The following SGCZ variants were observed in gnomAD, a reference collection of about 807,000 sequenced individuals.
SGCZ encodes zeta-sarcoglycan.
A neutral mutation model predicts 41.3 loss-of-function variants in SGCZ; 40 were observed. The ratio of observed to expected loss-of-function variants is 0.97; its 90% CI spans 0.75 to 1.26. The LOEUF (loss-of-function observed/expected upper bound fraction) is 1.26. SGCZ is among the 50% of genes most tolerant of loss of function. The pLI is 0.00. For synonymous variants in SGCZ, 206 were observed against 137.5 expected, an observed-to-expected ratio of 1.50 and a Z score of -3.49; for missense variants, 552 against 369.8, an observed-to-expected ratio of 1.49 and a Z score of -4.04.
chr8:14,453,615 C>T (rs868618473), intron 2 of SGCZ, among the ~76,000 whole-genome samples: 16 of 152,286 alleles, frequency 1.1e-4, no homozygotes, highest in Middle Eastern at 3.4e-3. Flanking sequence ...AAGAAAGAAT[C>T]TTAGGAGGGA....
chr8:14,187,707 C>T (rs544173016), intron 4 of SGCZ, among the ~76,000 whole-genome samples: 4 of 151,716 alleles, frequency 2.6e-5, no homozygotes, highest in Admixed American at 2.6e-4. Context: ...TGCAGGACAC[C>T]ATTAAGAATG....
At chr8:14,242,636 C>T (rs907467799) in intron 3 of SGCZ, among the ~76,000 whole-genome samples, 8 of 152,254 alleles carry the variant, frequency 5.3e-5, no homozygotes, top group African/African-American at 1.9e-4. Flanking sequence ...ATTTATTCCT[C>T]AATTTAACTA....
At chr8:14,693,654 G>A (rs1210921985) in intron 1 of SGCZ, among the ~76,000 whole-genome samples, 3 of 137,226 alleles carry the variant, frequency 2.2e-5, no homozygotes, top group Admixed American at 1.6e-4. Flanking sequence ...GCAGTGGCGC[G>A]ATCTCAGCTC....
intron 1 of SGCZ, among the ~76,000 whole-genome samples, chr8:14,764,012 A>G (rs555052948): frequency 1.3e-5 from 2 of 152,190 alleles, no homozygotes; most frequent in Non-Finnish European, 2.9e-5. Flanking sequence ...ATTCCCTATC[A>G]AGTTCCTTGG....
intron 1 of SGCZ, among the ~76,000 whole-genome samples, chr8:15,044,397 C>T (rs1804225840): frequency 6.6e-6 from 1 of 152,160 alleles, no homozygotes; most frequent in South Asian, 2.1e-4. Context: ...AACTCTTTGG[C>T]AGGCATCCTG....
Position 14,737,624 on chromosome 8 carries a change from ATTCC to A in SGCZ, c.40-182702_40-182699del, listed in dbSNP as rs1265683974. Among the ~76,000 whole-genome samples the A allele has an allele frequency of 2.6e-5, 4 of 151,974 alleles. No individual in the cohort carries two copies. In the East Asian group the frequency reaches 7.7e-4, roughly 29 times the overall value. ...TAAGATCAAGGTATTGGCAGGATTG[ATTCC>A]TTCTGAGGCCTCTCTCCTTGGCTTG... On this transcript the variant is annotated intron_variant, in intron 1 of 7. Coordinates refer to ENST00000382080, the MANE Select transcript of SGCZ (RefSeq NM_139167.4).
At chr8:14,302,664 G>A (rs1298376914) in intron 3 of SGCZ, among the ~76,000 whole-genome samples, 1 of 152,032 alleles carries the variant, frequency 6.6e-6, no homozygotes. Context: ...CCAAAGGCCT[G>A]CCGAATACTT....
At chr8:14,434,062 T>C (rs1027998385) in intron 2 of SGCZ, among the ~76,000 whole-genome samples, 2 of 152,122 alleles carry the variant, frequency 1.3e-5, no homozygotes, top group African/African-American at 4.8e-5. Context: ...TGTAGAAGGG[T>C]TTTTCCGATG....
At chr8:14,954,770 T>C (rs1162298667) in intron 1 of SGCZ, among the ~76,000 whole-genome samples, 2 of 152,162 alleles carry the variant, frequency 1.3e-5, no homozygotes, top group African/African-American at 4.8e-5. Context: ...GCAGGTCCAT[T>C]ATCTTCATTG....
intron 1 of SGCZ, among the ~76,000 whole-genome samples, chr8:14,838,630 C>G (rs997405101): frequency 6.6e-6 from 1 of 152,178 alleles, no homozygotes; most frequent in African/African-American, 2.4e-5. Flanking sequence ...GCTCTAGCCT[C>G]TGATTTTCCC....
intron 1 of SGCZ, among the ~76,000 whole-genome samples, chr8:14,988,167 C>T (rs1801889959): frequency 6.6e-6 from 1 of 151,804 alleles, no homozygotes; most frequent in Non-Finnish European, 1.5e-5. Context: ...TAGAAAAATA[C>T]AGTATCTGTG....
At chr8:14,784,630 C>A (rs1006602817) in intron 1 of SGCZ, among the ~76,000 whole-genome samples, 1 of 151,664 alleles carries the variant, frequency 6.6e-6, no homozygotes, top group African/African-American at 2.4e-5. Flanking sequence ...TTATTTAGAT[C>A]ATGCTTGTAA....
chr8:14,701,375 G>C (rs898233026), intron 1 of SGCZ, among the ~76,000 whole-genome samples: 3 of 151,726 alleles, frequency 2.0e-5, no homozygotes, highest in East Asian at 1.9e-4. Context: ...GAGAATATTA[G>C]GACCATTAAA....
intron 1 of SGCZ, among the ~76,000 whole-genome samples, chr8:14,869,021 C>T (rs1804042856): frequency 6.6e-6 from 1 of 152,114 alleles, no homozygotes; most frequent in Admixed American, 6.6e-5. Flanking sequence ...CAAAGAGGAG[C>T]TGGTACCATT....
chr8:14,544,497 G>C (rs986866148), intron 2 of SGCZ, among the ~76,000 whole-genome samples: 1 of 152,088 alleles, frequency 6.6e-6, no homozygotes, highest in Non-Finnish European at 1.5e-5. Context: ...AAGTAGGAGA[G>C]ATATTGCTAA....
chr8:15,055,106 CT>C (rs1419155712), intron 1 of SGCZ, among the ~76,000 whole-genome samples: 1 of 152,114 alleles, frequency 6.6e-6, no homozygotes, highest in Non-Finnish European at 1.5e-5. Context: ...ACACAGGGCT[CT>C]TCATAATATG....
intron 1 of SGCZ, among the ~76,000 whole-genome samples, chr8:15,112,886 T>C (rs1044132218): frequency 1.3e-5 from 2 of 152,126 alleles, no homozygotes; most frequent in Non-Finnish European, 2.9e-5. Context: ...AAACAATTGT[T>C]GCTGTTTGAA....
chr8:14,525,160 ATAGATAGAT>A (rs748212295), intron 2 of SGCZ, among the ~76,000 whole-genome samples: 3,794 of 133,276 alleles, frequency 0.028, 119 homozygotes, highest in African/African-American at 0.072. Context: ...AGATAGATAG[ATAGATAGAT>A]AGATAGATAG....
intron 1 of SGCZ, among the ~76,000 whole-genome samples, chr8:15,025,958 A>C (rs539871856): frequency 6.6e-6 from 1 of 152,280 alleles, no homozygotes; most frequent in East Asian, 1.9e-4. Context: ...ACCACACAAA[A>C]ATATTACATA....
Sources: allele counts gnomAD v4.1 joint callset (sites outside exome capture counted in the v4.1 genomes callset), GRCh38; gene constraint gnomAD v4.1.1; transcripts MANE v1.5; gene names NCBI Gene and HGNC (gene_info 2026-07-23, HGNC 2026-07-21).